The following CAMK2B variants were observed in gnomAD, a reference collection of about 807,000 sequenced individuals.
CAMK2B encodes calcium/calmodulin dependent protein kinase II beta.
Under a neutral mutation model 93.7 loss-of-function variants are expected in CAMK2B, and 27 were observed. The observed-to-expected ratio is 0.29, with a 90% CI of 0.21 to 0.40. CAMK2B has a LOEUF of 0.40. Ranked by LOEUF, CAMK2B falls within the 10% of genes least tolerant of loss-of-function variation. CAMK2B has a pLI of 1.00. For missense variants in CAMK2B, 568 were observed against 895.8 expected (o/e 0.63, Z 4.67); for synonymous variants, 374 against 358.8 (o/e 1.04, Z -0.48).
At chr7:44,246,175 C>T (rs1478965135) in intron 6 of CAMK2B, among the ~76,000 whole-genome samples, 2 of 152,102 alleles carry the variant, frequency 1.3e-5, no homozygotes, top group African/African-American at 2.4e-5. Flanking sequence ...GCTCTCACCA[C>T]TCTGCTCCCA....
At chr7:44,259,074 C>T in intron 3 of CAMK2B, 148 bp from the exon 4 acceptor site, 1 of 730,494 alleles carries the variant, frequency 1.4e-6, no homozygotes, top group South Asian at 1.6e-5. Context: ...GTGGGCAGGC[C>T]AGAGGGCAGG....
chr7:44,303,644 A>G (rs1443143895), intron 1 of CAMK2B, among the ~76,000 whole-genome samples: 2 of 152,230 alleles, frequency 1.3e-5, no homozygotes, highest in African/African-American at 4.8e-5. Flanking sequence ...AAAACTTTAA[A>G]ACTTCTAAAA....
chr7:44,325,421 T>TGGC lies in CAMK2B; in HGVS notation c.-3_-1dup, dbSNP rs1563142046. 1 of 1,159,428 alleles carries TGGC rather than the reference T, an allele frequency of 8.6e-7. No homozygotes were observed. The allele number at this position is 1,159,428 out of a possible 1,614,324, so 71.8% of individuals were successfully genotyped here. A position where few individuals can be genotyped will look rare whatever the true frequency, so the allele number is the denominator to read the frequency against. ...CGGGTGCAGGTCACCGTGGTGGCCA[T>TGGC]GGCGGCGGCGGACGGGCTCGGCGTG... On this transcript the variant is annotated 5_prime_UTR_variant, in exon 1 of 24. Coordinates refer to ENST00000395749, the MANE Select transcript of CAMK2B (RefSeq NM_001220.5).
intron 19 of CAMK2B, among the ~76,000 whole-genome samples, chr7:44,228,536 G>A (rs1195614425): frequency 6.6e-6 from 1 of 152,138 alleles, no homozygotes; most frequent in Non-Finnish European, 1.5e-5. Context: ...TTGGAGAGGG[G>A]CCTGGGGCTG....
rs1486576292 is a variant in CAMK2B, at chr7:44,242,638, G to T, written c.618C>A (p.Ile206=). The change falls in exon 9 of 24, where the codon ATC becomes ATA. Residue 206 remains isoleucine, a synonymous_variant. Coordinates refer to ENST00000395749, the MANE Select transcript of CAMK2B (RefSeq NM_001220.5). The part of the protein sequence containing the change: ...DIWACGVILY[I]LLVGYPPFWD... ...AGAAGGGTGGGTAGCCCACGAGCAG[G>T]ATGTACAGGATCACCCCTGCGGATG... 1.2e-6 allele frequency: 2 copies of T among 1,611,594 alleles called. No individual in the cohort carries two copies. Among genetic ancestry groups the T allele is most frequent in the Non-Finnish European group, 1.7e-6 (2 of 1,179,076 alleles).
chr7:44,281,416 T>A (rs2097101301), intron 2 of CAMK2B, among the ~76,000 whole-genome samples: 1 of 152,196 alleles, frequency 6.6e-6, no homozygotes, highest in South Asian at 2.1e-4. Context: ...CAGCAGTCCC[T>A]GGGTGGTCAC....
Position 44,232,881 on chromosome 7 carries a change from A to G in CAMK2B, c.1132-15T>C, listed in dbSNP as rs1353229019. On this transcript the variant is annotated splice_polypyrimidine_tract_variant and intron_variant, in intron 15 of 23. Coordinates refer to ENST00000395749, the MANE Select transcript of CAMK2B (RefSeq NM_001220.5). ...GTTTGAGGCTCCTACAGAAGAAGGA[A>G]GACACAGAGGAAGGAAAGAGAGGGA... 8 of 1,612,552 alleles carry G rather than the reference A, an allele frequency of 5.0e-6. No homozygotes were observed. The African/African-American group carries it at 9.3e-5, about 19-fold the overall frequency.
chr7:44,220,122 G>T lies in CAMK2B; in HGVS notation c.1941C>A (p.Asp647Glu). The change falls in exon 23 of 24, where the codon GAC becomes GAA. Residue 647 changes from aspartate (D) to glutamate (E), a missense_variant. Physicochemically the swap from Asp to Glu is conservative, Grantham distance 45 (BLOSUM62 2). This residue lies in a region of CAMK2B where 116 missense variants were observed against 188.0 expected (regional missense o/e 0.62). Coordinates refer to ENST00000395749, the MANE Select transcript of CAMK2B (RefSeq NM_001220.5). The part of the protein sequence containing the change: ...SEETRVWHRR[D>E]GKWQNVHFHC... Reference sequence around the variant, plus strand: ...GGAAGTGCACGTTCTGCCACTTGCCGTCGCGGCGGTGCCACACGCGGGTCT... The same window carrying T: ...GGAAGTGCACGTTCTGCCACTTGCCTTCGCGGCGGTGCCACACGCGGGTCT... 6.2e-7 allele frequency: 1 copy of T among 1,611,434 alleles called. No individual in the cohort carries two copies.
rs1431023118 is a variant in CAMK2B at position 44,311,493 on chromosome 7, CCATAAACTAAAAG to C, written c.65+13851_65+13863del. ...ATCCCTAAGGATTCCAGACAGTAAACCATAAACTAAAAGCAATGTGTGGCTGTGAGGGGTGGCA... is the reference window on the plus strand; with the variant it reads ...ATCCCTAAGGATTCCAGACAGTAAACCAATGTGTGGCTGTGAGGGGTGGCA... On this transcript the variant is annotated intron_variant, in intron 1 of 23. Coordinates refer to ENST00000395749, the MANE Select transcript of CAMK2B (RefSeq NM_001220.5). This position sits in a 1 kb window ranked among gnomAD's most constrained non-coding sequence, Gnocchi z 4.2. Among the ~76,000 whole-genome samples, 1 of 152,224 alleles carries C rather than the reference CCATAAACTAAAAG, an allele frequency of 6.6e-6. No homozygotes were observed. The highest frequency in any genetic ancestry group is 1.5e-5 in the Non-Finnish European group (1 of 68,028).
intron 6 of CAMK2B, among the ~76,000 whole-genome samples, chr7:44,246,526 TAC>T (rs1562888662): frequency 6.6e-6 from 1 of 151,908 alleles, no homozygotes; most frequent in African/African-American, 2.4e-5. Context: ...CCCACACATG[TAC>T]ACACTTGTAC....
chr7:44,285,939 A>AT (rs1200222997), intron 1 of CAMK2B, among the ~76,000 whole-genome samples: 1 of 151,526 alleles, frequency 6.6e-6, no homozygotes, highest in Admixed American at 6.6e-5. Flanking sequence ...GCTCTGCTTG[A>AT]TTTTTTCACC....
intron 2 of CAMK2B, among the ~76,000 whole-genome samples, chr7:44,280,164 C>T (rs779127195): frequency 3.3e-5 from 5 of 152,212 alleles, no homozygotes; most frequent in African/African-American, 1.2e-4. Flanking sequence ...GCAGAGGGGC[C>T]AGGAAGCCCT....
At chr7:44,255,012 C>T (rs1031389825) in intron 4 of CAMK2B, among the ~76,000 whole-genome samples, 10 of 151,904 alleles carry the variant, frequency 6.6e-5, no homozygotes, top group Non-Finnish European at 1.5e-4. Flanking sequence ...TTGTTACACC[C>T]AGGCCTTGTG....
chr7:44,234,751 C>T, intron 13 of CAMK2B, 75 bp from the exon 14 acceptor site: 3 of 1,471,602 alleles, frequency 2.0e-6, no homozygotes, highest in Non-Finnish European at 2.8e-6. Flanking sequence ...CACCCCTTTG[C>T]CTGACCCCAC....
At chr7:44,228,265 C>T (rs1005591390) in intron 19 of CAMK2B, among the ~76,000 whole-genome samples, 3 of 152,022 alleles carry the variant, frequency 2.0e-5, no homozygotes, top group Non-Finnish European at 2.9e-5. Context: ...CCGTACTATC[C>T]CCTTGTTGGT....
intron 17 of CAMK2B, chr7:44,230,444 T>C (rs1198676859): frequency 6.5e-6 from 1 of 153,344 alleles, no homozygotes; most frequent in Non-Finnish European, 1.5e-5. Context: ...GCAGAATCCA[T>C]GGAGCATGCC....
At chr7:44,310,475 G>A (rs555902483) in intron 1 of CAMK2B, among the ~76,000 whole-genome samples, 2 of 152,316 alleles carry the variant, frequency 1.3e-5, no homozygotes, top group African/African-American at 2.4e-5. Flanking sequence ...TGTCATGCGC[G>A]GTGGGAGGGG....
intron 13 of CAMK2B, 96 bp from the exon 14 acceptor site, chr7:44,234,772 G>A (rs2096610428): frequency 1.5e-6 from 2 of 1,354,486 alleles, no homozygotes; most frequent in Non-Finnish European, 2.1e-6. Flanking sequence ...TCTTTCCCCA[G>A]GAGCAAGCCC....
chr7:44,311,328 G>A lies in CAMK2B; in HGVS notation c.65+14029C>T, dbSNP rs1421509850. Among the ~76,000 whole-genome samples the A allele has an allele frequency of 2.0e-5, 3 of 152,098 alleles. No homozygotes were observed. The highest frequency in any genetic ancestry group is 6.5e-5 in the Admixed American group (1 of 15,272). On this transcript the variant is annotated intron_variant, in intron 1 of 23. Coordinates refer to ENST00000395749, the MANE Select transcript of CAMK2B (RefSeq NM_001220.5). The surrounding 1 kb of genome is among the most constrained non-coding windows in gnomAD (Gnocchi z 4.2). ...TGACTTCAAGTGATCCGCCCATCTC[G>A]GCCTCCCAAAGTGCTGGGATTACAG...
Sources: allele counts gnomAD v4.1 joint callset (sites outside exome capture counted in the v4.1 genomes callset), GRCh38; gene constraint gnomAD v4.1.1; regional missense constraint gnomAD v4.1.1; non-coding constraint Gnocchi (gnomAD v3.1); transcripts MANE v1.5; gene names NCBI Gene and HGNC (gene_info 2026-07-23, HGNC 2026-07-21).